Variants in CADM2 observed in about 807,000 individuals in gnomAD.
CADM2 encodes the protein immunoglobulin superfamily member 4D.
A neutral mutation model predicts 49.8 loss-of-function variants in CADM2; 12 were observed. That is an observed-to-expected ratio of 0.24 (90% CI 0.15 to 0.39). The LOEUF (loss-of-function observed/expected upper bound fraction) is 0.39, where lower values mean the gene tolerates loss of function less well. Among genes scored for constraint, CADM2 ranks in the 10% least tolerant of loss-of-function variants. The pLI is 1.00. For synonymous variants in CADM2, 214 were observed against 175.4 expected (o/e 1.22, Z -1.74); for missense variants, 378 against 492.3 (o/e 0.77, Z 2.20).
At chr3:85,732,258 CT>C (rs1413198309) in intron 2 of CADM2, among the ~76,000 whole-genome samples, 16 of 150,964 alleles carry the variant, frequency 1.1e-4, no homozygotes, top group African/African-American at 3.7e-4. Flanking sequence ...GAGACTCTGT[CT>C]CAAAAAAAAA....
At chr3:86,021,330 A>G (rs947283643) in intron 8 of CADM2, among the ~76,000 whole-genome samples, 1 of 152,010 alleles carries the variant, frequency 6.6e-6, no homozygotes, top group South Asian at 2.1e-4. Context: ...ATCCACTTCA[A>G]TTCCCCTTTC....
intron 1 of CADM2, among the ~76,000 whole-genome samples, chr3:85,347,900 T>C (rs551450299): frequency 1.0e-3 from 157 of 151,568 alleles, no homozygotes; most frequent in African/African-American, 3.5e-3. Context: ...CTCCGCCTCC[T>C]AGGTTCACGC....
intron 1 of CADM2, among the ~76,000 whole-genome samples, chr3:85,726,065 A>C (rs1326845644): frequency 6.6e-6 from 1 of 152,032 alleles, no homozygotes; most frequent in Non-Finnish European, 1.5e-5. Flanking sequence ...TAAGTGGTAG[A>C]TGTATGGAAA....
chr3:85,110,918 C>A (rs1261975477), intron 1 of CADM2, among the ~76,000 whole-genome samples: 1 of 151,808 alleles, frequency 6.6e-6, no homozygotes, highest in East Asian at 1.9e-4. Flanking sequence ...CAAATGAGAT[C>A]ATTTGACTTC....
intron 8 of CADM2, among the ~76,000 whole-genome samples, chr3:86,042,565 T>G (rs1025028845): frequency 5.9e-5 from 9 of 152,020 alleles, no homozygotes; most frequent in Non-Finnish European, 1.2e-4. Flanking sequence ...AATAACAGGC[T>G]CTGAAATTCA....
At chr3:85,580,201 A>G (rs2062755867) in intron 1 of CADM2, among the ~76,000 whole-genome samples, 1 of 152,318 alleles carries the variant, frequency 6.6e-6, no homozygotes, top group African/African-American at 2.4e-5. Context: ...GTTATTTACT[A>G]CAATGCTATC....
Position 85,285,870 on chromosome 3 carries a change from G to C in CADM2, c.61+326202G>C, listed in dbSNP as rs1238886350. On this transcript the variant is annotated intron_variant, in intron 1 of 9. Transcript: ENST00000383699. ...TGTGGAGAACTCTATGTAGTGACTTGTATGAATATAAAAGAAAGTTTGAAT... is the reference window on the plus strand; with the variant it reads ...TGTGGAGAACTCTATGTAGTGACTTCTATGAATATAAAAGAAAGTTTGAAT... 3.3e-5 allele frequency among the ~76,000 whole-genome samples: 5 copies of C among 151,916 alleles called. No individual in the cohort carries two copies. The South Asian group carries it at 8.3e-4, about 25-fold the overall frequency.
Position 86,066,823 on chromosome 3 carries a change from T to C in CADM2, c.*40T>C. On this transcript the variant is annotated 3_prime_UTR_variant, in exon 10 of 10. Transcript: ENST00000383699. ...TTCTGAGTTTTACTACCAGGCTGAA[T>C]GCTGGAGAAAACTGGCTATCATCTT... The C allele has an allele frequency of 7.3e-7, 1 of 1,378,666 alleles. No individual in the cohort carries two copies. The allele number at this position is 1,378,666 out of a possible 1,614,324, so 85.4% of individuals were successfully genotyped here.
At chr3:85,768,688 T>C (rs983108017) in intron 2 of CADM2, among the ~76,000 whole-genome samples, 13 of 146,214 alleles carry the variant, frequency 8.9e-5, no homozygotes, top group East Asian at 2.0e-4. Context: ...TATATACACA[T>C]ATATAGTATA....
chr3:85,548,036 C>T (rs2061707826), intron 1 of CADM2, among the ~76,000 whole-genome samples: 1 of 151,862 alleles, frequency 6.6e-6, no homozygotes, highest in Non-Finnish European at 1.5e-5. Context: ...GATCAGTCCT[C>T]AGTTGTAAAC....
chr3:85,613,576 T>C (rs1474119480), intron 1 of CADM2, among the ~76,000 whole-genome samples: 1 of 151,620 alleles, frequency 6.6e-6, no homozygotes, highest in East Asian at 1.9e-4. Context: ...ATACCAGGGT[T>C]CACGAGGCAG....
chr3:85,718,470 G>C (rs895578280), intron 1 of CADM2, among the ~76,000 whole-genome samples: 1 of 152,058 alleles, frequency 6.6e-6, no homozygotes, highest in Non-Finnish European at 1.5e-5. Context: ...ATTCTTGGCT[G>C]GAAAGCTTCC....
chr3:85,403,191 C>T (rs1012268753), intron 1 of CADM2, among the ~76,000 whole-genome samples: 11 of 151,952 alleles, frequency 7.2e-5, no homozygotes, highest in Admixed American at 5.2e-4. Flanking sequence ...TTTAACTATC[C>T]CTCTCATGAT....
chr3:85,684,390 T>A (rs942920624), intron 1 of CADM2, among the ~76,000 whole-genome samples: 2 of 151,974 alleles, frequency 1.3e-5, no homozygotes, highest in African/African-American at 2.4e-5. Context: ...GCTATACTCC[T>A]AAAGACAACT....
intron 1 of CADM2, among the ~76,000 whole-genome samples, chr3:85,657,654 G>A (rs1291651276): frequency 1.4e-5 from 2 of 147,218 alleles, no homozygotes; most frequent in African/African-American, 2.5e-5. Flanking sequence ...TTTGAGAGCA[G>A]TATACATATA....
chr3:85,711,615 G>C (rs879239662), intron 1 of CADM2, among the ~76,000 whole-genome samples: 1 of 151,908 alleles, frequency 6.6e-6, no homozygotes, highest in Non-Finnish European at 1.5e-5. Flanking sequence ...AGATCACATT[G>C]GTTTGTTTGA....
At chr3:85,344,964 G>A (rs2030421035) in intron 1 of CADM2, among the ~76,000 whole-genome samples, 1 of 151,982 alleles carries the variant, frequency 6.6e-6, no homozygotes, top group African/African-American at 2.4e-5. Context: ...TCCCATTTTA[G>A]CAATCTAACA....
Position 86,068,363 on chromosome 3 carries a change from A to G in CADM2, c.*1580A>G, listed in dbSNP as rs756042893. 3.3e-5 allele frequency: 5 copies of G among 152,006 alleles called. No individual in the cohort carries two copies. The highest frequency in any genetic ancestry group is 5.9e-5 in the Non-Finnish European group (4 of 67,874). The allele number at this position is 152,006 out of a possible 1,614,324, so 9.4% of individuals were successfully genotyped here. ...TTCTCATTAAATTTATTATATGCTA[A>G]AGAATAAAACTCCAGTTAGATTTAA... On this transcript the variant is annotated 3_prime_UTR_variant, in exon 10 of 10. Transcript: ENST00000383699.
chr3:84,991,373 T>C (rs1375855619), intron 1 of CADM2, among the ~76,000 whole-genome samples: 1 of 152,124 alleles, frequency 6.6e-6, no homozygotes, highest in African/African-American at 2.4e-5. Context: ...GGGGCAAAAT[T>C]GTGAAACAAC....
Sources: allele counts gnomAD v4.1 joint callset (sites outside exome capture counted in the v4.1 genomes callset), GRCh38; gene constraint gnomAD v4.1.1; transcripts MANE v1.5; gene names NCBI Gene and HGNC (gene_info 2026-07-23, HGNC 2026-07-21).